Variants in FANCE observed in about 807,000 individuals in gnomAD.
FANCE encodes FA complementation group E.
In FANCE, 42 loss-of-function variants were observed where a neutral mutation model predicts 57.8. That is an observed-to-expected ratio of 0.73 (90% confidence interval 0.57 to 0.94). The LOEUF is 0.94. FANCE is among the 40% of genes least tolerant of loss of function. The pLI, the probability that FANCE is intolerant of heterozygous loss-of-function variation, is 0.00. For missense variants in FANCE, 608 were observed against 661.8 expected (o/e 0.92, Z 0.89); for synonymous variants, 251 against 286.4 (o/e 0.88, Z 1.25).
At chr6:35,457,148 C>G (rs1483668382) in intron 2 of FANCE, among the ~76,000 whole-genome samples, 2 of 151,652 alleles carry the variant, frequency 1.3e-5, no homozygotes, top group African/African-American at 4.9e-5. Flanking sequence ...CTCCTCGAGA[C>G]AGGGTCCCTC....
In FANCE at chr6:35,466,235, T is replaced by C. The variant is rs369210475; in HGVS notation, c.1510-9T>C. 1 of 1,585,130 alleles carries C rather than the reference T, an allele frequency of 6.3e-7. No homozygotes were observed. The stretch of plus-strand genomic sequence containing the variant: ...CTGGAGTCCTGACATGATTTTTCCT[T>C]CTCCCCAGATCACTGAGACCCAGAG... On this transcript the variant is annotated splice_polypyrimidine_tract_variant and intron_variant, in intron 9 of 9. Coordinates refer to ENST00000229769, the MANE Select transcript of FANCE (RefSeq NM_021922.3).
chr6:35,454,072 G>GTT (rs60976228), intron 1 of FANCE, among the ~76,000 whole-genome samples: 40 of 145,220 alleles, frequency 2.8e-4, no homozygotes, highest in African/African-American at 5.5e-4. Context: ...TGTTTGTTTT[G>GTT]TTTTTTTTTT....
chr6:35,458,666 GTC>G (rs1767457045), intron 5 of FANCE, among the ~76,000 whole-genome samples: 1 of 150,300 alleles, frequency 6.7e-6, no homozygotes, highest in African/African-American at 2.5e-5. Flanking sequence ...GAGAGAGAGT[GTC>G]TCACTCTGTT....
At chr6:35,458,118 G>T in intron 4 of FANCE, 134 bp downstream of exon 4, 2 of 1,198,512 alleles carry the variant, frequency 1.7e-6, no homozygotes, top group South Asian at 1.3e-5. Flanking sequence ...CAGCGATAGG[G>T]GTCACCCTGT....
chr6:35,466,413 C>G lies in FANCE; in HGVS notation c.*68C>G. ...TTCCTGAAGGGCATTTCTTTCTTCA[C>G]CACCTTGTCTTGAGCCCTAGCCTGA... On this transcript the variant is annotated 3_prime_UTR_variant, in exon 10 of 10. Coordinates refer to ENST00000229769, the MANE Select transcript of FANCE (RefSeq NM_021922.3). The G allele has an allele frequency of 2.9e-6, 3 of 1,037,870 alleles. No individual in the cohort carries two copies. The highest frequency in any genetic ancestry group is 4.6e-6 in the Non-Finnish European group (3 of 655,008). 64.3% of individuals were successfully genotyped at this position (1,037,870 alleles called of 1,614,324 possible). A position where few individuals can be genotyped will look rare whatever the true frequency, so the allele number is the denominator to read the frequency against.
Position 35,458,399 on chromosome 6 carries a change from A to C in FANCE, c.1072A>C (p.Ser358Arg). Residue 358 changes from serine to arginine, a missense_variant, in exon 5 of 10, where the codon AGC becomes CGC. Transcript: ENST00000229769. The part of the protein sequence containing the change: ...LLALSPDLSL[S>R]NATVLTRSLF... ...GGCCCTTTCACCTGATCTCAGCCTC[A>C]GCAATGCTACTGTGCTGACCAGAAG... The C allele has an allele frequency of 6.2e-7, 1 of 1,614,158 alleles. No individual in the cohort carries two copies. The highest frequency in any genetic ancestry group is 8.5e-7 in the Non-Finnish European group (1 of 1,180,014).
Position 35,459,682 on chromosome 6 carries a change from G to GT in FANCE, c.1239dup (p.Pro414SerfsTer54), listed in dbSNP as rs1561792535. The GT allele has an allele frequency of 3.1e-6, 5 of 1,614,064 alleles. No individual in the cohort carries two copies. Among genetic ancestry groups the GT allele is most frequent in the Non-Finnish European group, 4.2e-6 (5 of 1,179,980 alleles). On this transcript the variant is annotated frameshift_variant and splice_region_variant, in exon 7 of 10. Transcript: ENST00000229769. LOFTEE classifies it high-confidence loss of function. Reference sequence around the variant, plus strand: ...TCCCCTTCTGCTGTCCTCTACCCAGGTCCTGCTCAAACAGAGTTACTGTGT... The same window carrying GT: ...TCCCCTTCTGCTGTCCTCTACCCAGGTTCCTGCTCAAACAGAGTTACTGTGT...
At chr6:35,452,827 G>A in intron 1 of FANCE, 34 bp downstream of exon 1, 1 of 1,291,092 alleles carries the variant, frequency 7.7e-7, no homozygotes, top group Non-Finnish European at 9.9e-7. Context: ...TAGCAGGTAT[G>A]GGAGGCGGGG....
In FANCE at chr6:35,452,361, A is replaced by T. The variant is rs1485070401; in HGVS notation, c.-185A>T. On this transcript the variant is annotated 5_prime_UTR_variant, in exon 1 of 10. Coordinates refer to ENST00000229769, the MANE Select transcript of FANCE (RefSeq NM_021922.3). ...CTCCTTCCCTTTCCGACAGCGCGGG[A>T]ACGGCTGCGGCTTCGGGCGGCCGGG... 3 of 556,764 alleles carry T rather than the reference A, an allele frequency of 5.4e-6. No individual in the cohort carries two copies. The highest frequency in any genetic ancestry group is 7.8e-6 in the Non-Finnish European group (3 of 384,304). 34.5% of individuals were successfully genotyped at this position (556,764 alleles called of 1,614,324 possible).
At chr6:35,465,763 T>G (rs964595342) in intron 9 of FANCE, among the ~76,000 whole-genome samples, 1 of 152,068 alleles carries the variant, frequency 6.6e-6, no homozygotes, top group Non-Finnish European at 1.5e-5. Flanking sequence ...CTGGCTTCTG[T>G]GAGGAGTGGG....
In FANCE at chr6:35,456,018, G is replaced by A; in HGVS notation, c.520G>A (p.Gly174Arg). The A allele has an allele frequency of 1.2e-6, 2 of 1,612,840 alleles. No homozygotes were observed. The highest frequency in any genetic ancestry group is 1.7e-6 in the Non-Finnish European group (2 of 1,179,616). Residue 174 changes from glycine (G) to arginine (R), a missense_variant, in exon 2 of 10, where the codon GGG (glycine) becomes AGG (arginine). Physicochemically the swap from Gly to Arg is moderately radical, Grantham distance 125. Transcript: ENST00000229769. This position sits in a 1 kb window ranked among gnomAD's most constrained non-coding sequence, Gnocchi z 4.3. ...LQSLCRGLGL[G>R]GRRLKSPQAP... is the part of the protein sequence containing the mutation. Reference sequence around the variant, plus strand: ...AAGTCTATGTAGGGGGCTGGGCCTGGGGGGCAGGAGGTTGAAATCCCCCCA... The same window carrying A: ...AAGTCTATGTAGGGGGCTGGGCCTGAGGGGCAGGAGGTTGAAATCCCCCCA...
chr6:35,455,945 C>G lies in FANCE; in HGVS notation c.447C>G (p.Ser149=), dbSNP rs765591242. The change falls in exon 2 of 10, where the codon TCC becomes TCG. Residue 149 remains serine (S), a synonymous_variant. Coordinates refer to ENST00000229769, the MANE Select transcript of FANCE (RefSeq NM_021922.3). ...GAAGGGATTTGGGGGTGGGGACCTC[C>G]ATGGAGGGAGCTTCTCCACTGTCTG... ...LLRRDLGVGT[S]MEGASPLSER... 2 of 1,614,006 alleles carry G rather than the reference C, an allele frequency of 1.2e-6. No individual in the cohort carries two copies. Among genetic ancestry groups the G allele is most frequent in the Non-Finnish European group, 1.7e-6 (2 of 1,179,998 alleles).
intron 8 of FANCE, 21 bp from the exon 9 acceptor site, chr6:35,462,768 T>C (rs772303306): frequency 8.7e-6 from 14 of 1,613,846 alleles, no homozygotes; most frequent in Middle Eastern, 1.6e-4. Context: ...TGATTACTGC[T>C]CCATCTCCCA....
chr6:35,460,839 G>A (rs1767560427), intron 8 of FANCE, among the ~76,000 whole-genome samples: 1 of 152,186 alleles, frequency 6.6e-6, no homozygotes, highest in Non-Finnish European at 1.5e-5. Context: ...ACCAGCTGGG[G>A]GGGCCTTGGG....
rs1014679374 is a variant in FANCE, at chr6:35,456,019, G to A, written c.521G>A (p.Gly174Glu). 1.2e-6 allele frequency: 2 copies of A among 1,612,734 alleles called. No individual in the cohort carries two copies. The highest frequency in any genetic ancestry group is 1.7e-6 in the Non-Finnish European group (2 of 1,179,622). The change falls in exon 2 of 10, where the codon GGG (glycine) becomes GAG (glutamate). Residue 174 changes from glycine to glutamate, a missense_variant. Gly to Glu is a moderately conservative substitution (Grantham distance 98). Coordinates refer to ENST00000229769, the MANE Select transcript of FANCE (RefSeq NM_021922.3). The surrounding 1 kb of genome is among the most constrained non-coding windows in gnomAD (Gnocchi z 4.3). Reference sequence around the variant, plus strand: ...AGTCTATGTAGGGGGCTGGGCCTGGGGGGCAGGAGGTTGAAATCCCCCCAG... The same window carrying A: ...AGTCTATGTAGGGGGCTGGGCCTGGAGGGCAGGAGGTTGAAATCCCCCCAG... ...LQSLCRGLGL[G>E]GRRLKSPQAP...
chr6:35,462,838 A>C lies in FANCE; in HGVS notation c.1433A>C (p.Lys478Thr). 6.2e-7 allele frequency: 1 copy of C among 1,614,198 alleles called. No homozygotes were observed. The highest frequency in any genetic ancestry group is 2.2e-5 in the East Asian group (1 of 44,882). Reference protein sequence around the residue: ...KFSVLMEKLCKKGLAATTSMA... With the variant: ...KFSVLMEKLCTKGLAATTSMA... ...AGTGTCTTAATGGAGAAGCTCTGTA[A>C]AAAGGGGCTGGCAGCCACCACCTCC... The change falls in exon 9 of 10, where the codon AAA (lysine) becomes ACA (threonine). Residue 478 changes from lysine to threonine, a missense_variant. Physicochemically the swap from Lys to Thr is moderately conservative, Grantham distance 78. Transcript: ENST00000229769.
intron 2 of FANCE, among the ~76,000 whole-genome samples, chr6:35,457,220 G>C (rs1368830077): frequency 2.6e-5 from 4 of 151,870 alleles, no homozygotes; most frequent in African/African-American, 9.7e-5. Flanking sequence ...TCGACCTCCT[G>C]GGCTCAAGTG....
chr6:35,462,898 C>T lies in FANCE; in HGVS notation c.1493C>T (p.Thr498Ile). ...GCCAAGCTCATGCTGACAGTGATGA[C>T]CAAGTATCAGGCTAACGTGAGTATT... is the stretch of plus-strand genomic sequence containing the variant. ...AYAKLMLTVM[T>I]KYQANITETQ... Residue 498 changes from threonine (T) to isoleucine (I), a missense_variant, in exon 9 of 10, where the codon ACC becomes ATC. Thr to Ile is a moderately conservative substitution (Grantham distance 89). Transcript: ENST00000229769. The T allele has an allele frequency of 6.2e-7, 1 of 1,614,230 alleles. No homozygotes were observed.
intron 9 of FANCE, among the ~76,000 whole-genome samples, chr6:35,465,366 G>A (rs1561796233): frequency 6.6e-6 from 1 of 151,838 alleles, no homozygotes; most frequent in Non-Finnish European, 1.5e-5. Context: ...GTAGAGATGG[G>A]GTTTCACAAT....
Sources: allele counts gnomAD v4.1 joint callset (sites outside exome capture counted in the v4.1 genomes callset), GRCh38; gene constraint gnomAD v4.1.1; non-coding constraint Gnocchi (gnomAD v3.1); transcripts MANE v1.5; gene names NCBI Gene and HGNC (gene_info 2026-07-23, HGNC 2026-07-21).